BICDL2: variants seen among roughly 807,000 people sequenced by gnomAD.
The protein encoded by BICDL2 is BICD family-like cargo adapter 2.
Under a neutral mutation model 56.6 loss-of-function variants are expected in BICDL2, and 62 were observed. That is an observed-to-expected ratio of 1.10 (90% CI 0.89 to 1.35). The LOEUF (loss-of-function observed/expected upper bound fraction) is 1.35, where lower values mean the gene tolerates loss of function less well. BICDL2 is among the 40% of genes most tolerant of loss of function. The probability of loss-of-function intolerance (pLI) is 0.00; values close to 1 mark genes in which losing one functional copy is unlikely to be tolerated. For synonymous variants in BICDL2, 358 were observed against 319.8 expected (o/e 1.12, Z -1.27); for missense variants, 808 against 684.5 (o/e 1.18, Z -2.01).
At chr16:3,035,904 G>A in intron 1 of BICDL2, 1 of 294,842 alleles carries the variant, frequency 3.4e-6, no homozygotes, top group South Asian at 3.3e-5. Flanking sequence ...GGTTCTCAGG[G>A]ACTCAGCAGT....
rs758068250 is a variant in BICDL2, at chr16:3,030,672, C to A, written c.615+24G>T. On this transcript the variant is annotated intron_variant, in intron 4 of 9. Transcript: ENST00000572449. ...GCCCGGCTTTTTTGGCTCAGATAAT[C>A]CCCCAGCCCCAGCTGACACTCACTT... 9 of 1,601,264 alleles carry A rather than the reference C, an allele frequency of 5.6e-6. No homozygotes were observed. The South Asian group carries it at 1.0e-4, about 18-fold the overall frequency.
chr16:3,029,839 C>T, intron 5 of BICDL2, 100 bp from the exon 6 acceptor site: 1 of 1,034,574 alleles, frequency 9.7e-7, no homozygotes, highest in South Asian at 1.7e-5. Flanking sequence ...CGGAGAGCCC[C>T]GCACCCCAGC....
chr16:3,029,469 TGGGGAAAG>T, intron 6 of BICDL2, 40 bp from the exon 7 acceptor site: 1 of 1,588,654 alleles, frequency 6.3e-7, no homozygotes, highest in Non-Finnish European at 8.5e-7. Context: ...TGGAGTTTAT[TGGGGAAAG>T]GAGGAAAGGC....
intron 5 of BICDL2, chr16:3,030,042 T>A: frequency 4.1e-6 from 2 of 489,248 alleles, no homozygotes; most frequent in Non-Finnish European, 7.2e-6. Flanking sequence ...AGGCTGCTTG[T>A]CCCACAGTAG....
chr16:3,029,080 T>A (rs906477402), intron 7 of BICDL2, among the ~76,000 whole-genome samples, 200 bp downstream of exon 7: 11 of 151,246 alleles, frequency 7.3e-5, no homozygotes, highest in African/African-American at 2.7e-4. Context: ...GCATTGGGAG[T>A]GGAACTAAGG....
intron 2 of BICDL2, 68 bp from the exon 3 acceptor site, chr16:3,031,218 T>C: frequency 7.2e-7 from 1 of 1,384,626 alleles, no homozygotes; most frequent in Non-Finnish European, 9.8e-7. Context: ...CACAGAGAGA[T>C]GGCGATGGAG....
rs1209719045 is a variant in BICDL2 at position 3,028,340 on chromosome 16, C to T, written c.1359+8G>A. 1.9e-6 allele frequency: 3 copies of T among 1,550,240 alleles called. No individual in the cohort carries two copies. Among genetic ancestry groups the T allele is most frequent in the East Asian group, 2.4e-5 (1 of 42,086 alleles). ...TGCCCCGCCCCGCACACGGGCCCCG[C>T]CCCTCACCTGCCAGGCCTCCAGCTC... On this transcript the variant is annotated splice_region_variant and intron_variant, in intron 9 of 9. Transcript: ENST00000572449.
At chr16:3,031,601 C>T in intron 2 of BICDL2, 1 of 407,426 alleles carries the variant, frequency 2.5e-6, no homozygotes. Context: ...CCCTGGTCAG[C>T]CCCGCCCTGG....
chr16:3,035,168 T>TC, intron 2 of BICDL2, 47 bp downstream of exon 2: 2 of 399,754 alleles, frequency 5.0e-6, no homozygotes, highest in Non-Finnish European at 8.3e-6. Context: ...GGCCCACCCG[T>TC]CCTCCCCTGC....
chr16:3,031,616 A>G (rs772784274), intron 2 of BICDL2: 4 of 404,254 alleles, frequency 9.9e-6, no homozygotes, highest in Admixed American at 4.2e-5. Flanking sequence ...CCCTGGCCCA[A>G]AAACCTGTCT....
At chr16:3,030,655 T>C (rs1433711864) in intron 4 of BICDL2, 41 bp downstream of exon 4, 8 of 1,596,758 alleles carry the variant, frequency 5.0e-6, no homozygotes, top group Non-Finnish European at 6.8e-6. Flanking sequence ...CAGCCCGGCT[T>C]TTTTGGCTCA....
Position 3,029,613 on chromosome 16 carries a change from A to G in BICDL2, c.889T>C (p.Ser297Pro). The change falls in exon 6 of 10, where the codon TCA becomes CCA. Residue 297 changes from serine (S) to proline (P), a missense_variant. Physicochemically the swap from Ser to Pro is moderately conservative, Grantham distance 74. Transcript: ENST00000572449. Reference sequence around the variant, plus strand: ...TCGTCGAGGCTGTGGGCCAGTTCTGACTGCAACGAGGCAGCCGACACGTCG... The same window carrying G: ...TCGTCGAGGCTGTGGGCCAGTTCTGGCTGCAACGAGGCAGCCGACACGTCG... ...DADVSAASLQ[S>P]ELAHSLDDGD... 1 of 1,540,198 alleles carries G rather than the reference A, an allele frequency of 6.5e-7. No homozygotes were observed. The highest frequency in any genetic ancestry group is 1.2e-5 in the South Asian group (1 of 84,062).
Position 3,031,088 on chromosome 16 carries a change from C to G in BICDL2, c.345G>C (p.Glu115Asp). 6.5e-7 allele frequency: 1 copy of G among 1,536,706 alleles called. No individual in the cohort carries two copies. The highest frequency in any genetic ancestry group is 8.7e-7 in the Non-Finnish European group (1 of 1,146,706). Residue 115 changes from glutamate (E) to aspartate (D), a missense_variant, in exon 3 of 10, where the codon GAG becomes GAC. Coordinates refer to ENST00000572449, the MANE Select transcript of BICDL2 (RefSeq NM_001369667.1). Reference sequence around the variant, plus strand: ...CCCCCTCCAGCTCCACGGCCCGGGCCTCCCACTCGGCTCCTCGGGCTGCCA... The same window carrying G: ...CCCCCTCCAGCTCCACGGCCCGGGCGTCCCACTCGGCTCCTCGGGCTGCCA... Reference protein sequence around the residue: ...RGLAARGAEWEARAVELEGDV... With the variant: ...RGLAARGAEWDARAVELEGDV...
chr16:3,028,838 CAG>C lies in BICDL2; in HGVS notation c.1108-10_1108-9del, dbSNP rs1438119900. On this transcript the variant is annotated splice_polypyrimidine_tract_variant and intron_variant, in intron 7 of 9. Coordinates refer to ENST00000572449, the MANE Select transcript of BICDL2 (RefSeq NM_001369667.1). ...TGCCTGCTGCAGCGAGATCTGTGAG[CAG>C]AGGAGGGGGGCCGTGCGGCAGATGG... 1.3e-6 allele frequency: 2 copies of C among 1,542,260 alleles called. No homozygotes were observed. The highest frequency in any genetic ancestry group is 2.7e-5 in the African/African-American group (2 of 73,172).
At chr16:3,033,308 A>G (rs1205644851) in intron 2 of BICDL2, among the ~76,000 whole-genome samples, 1 of 152,038 alleles carries the variant, frequency 6.6e-6, no homozygotes, top group Non-Finnish European at 1.5e-5. Flanking sequence ...CCATGTAAAT[A>G]ACAACAATAA....
chr16:3,034,923 G>T, intron 2 of BICDL2: 1 of 403,616 alleles, frequency 2.5e-6, no homozygotes, highest in Non-Finnish European at 4.5e-6. Context: ...ACGTTGCCCA[G>T]GCTGTTCTCC....
At position 3,030,765 on chromosome 16, in the gene BICDL2, C is replaced by A; in HGVS notation, c.546G>T (p.Arg182=). The change falls in exon 4 of 10, where the codon CGG becomes CGT. Residue 182 remains arginine, a synonymous_variant. Coordinates refer to ENST00000572449, the MANE Select transcript of BICDL2 (RefSeq NM_001369667.1). ...CCAGTGCCTGAGCCTGGCACTGTCCCCGAAGGGCGTCCAGTTCCCTCTGAA... is the reference window on the plus strand; with the variant it reads ...CCAGTGCCTGAGCCTGGCACTGTCCACGAAGGGCGTCCAGTTCCCTCTGAA... ...QELQRELDAL[R]GQCQAQALAG... 6.2e-7 allele frequency: 1 copy of A among 1,612,612 alleles called. No individual in the cohort carries two copies. The highest frequency in any genetic ancestry group is 8.5e-7 in the Non-Finnish European group (1 of 1,179,738).
chr16:3,034,711 C>CTTCCTTCCTT (rs1955705953), intron 2 of BICDL2, among the ~76,000 whole-genome samples: 2 of 127,076 alleles, frequency 1.6e-5, no homozygotes, highest in African/African-American at 5.9e-5. Context: ...TCCTTCCTTC[C>CTTCCTTCCTT]TTTTTTTTTT....
chr16:3,028,784 T>C lies in BICDL2; in HGVS notation c.1154A>G (p.Gln385Arg). Residue 385 changes from glutamine (Q) to arginine (R), a missense_variant, in exon 8 of 10, where the codon CAG becomes CGG. Physicochemically the swap from Gln to Arg is conservative, Grantham distance 43. Coordinates refer to ENST00000572449, the MANE Select transcript of BICDL2 (RefSeq NM_001369667.1). ...CTGCGCCCGCAGCTCCTTCTGCCTC[T>C]GCAGCTCTTCCCGCAGGGACTGCAG... ...AELQSLREEL[Q>R]RQKELRAQED... 1 of 1,557,884 alleles carries C rather than the reference T, an allele frequency of 6.4e-7. No homozygotes were observed. Among genetic ancestry groups the C allele is most frequent in the Non-Finnish European group, 8.7e-7 (1 of 1,151,330 alleles).
Sources: allele counts gnomAD v4.1 joint callset (sites outside exome capture counted in the v4.1 genomes callset), GRCh38; gene constraint gnomAD v4.1.1; transcripts MANE v1.5; gene names NCBI Gene and HGNC (gene_info 2026-07-23, HGNC 2026-07-21).